The following DOK5 variants were observed in gnomAD, a reference collection of about 807,000 sequenced individuals.
DOK5 encodes the protein docking protein 5.
Under a neutral mutation model 43.3 loss-of-function variants are expected in DOK5, and 27 were observed. The observed-to-expected ratio is 0.62, with a 90% CI of 0.46 to 0.86. The LOEUF (loss-of-function observed/expected upper bound fraction) is 0.86, where lower values mean the gene tolerates loss of function less well. DOK5 is among the 40% of genes least tolerant of loss of function. DOK5 has a pLI of 0.00. For synonymous variants in DOK5, 146 were observed against 140.1 expected, an observed-to-expected ratio of 1.04 and a Z score of -0.30; for missense variants, 373 against 392.9, an observed-to-expected ratio of 0.95 and a Z score of 0.43.
intron 7 of DOK5, among the ~76,000 whole-genome samples, chr20:54,650,152 TGGGGATTGATGC>T (rs1773015249): frequency 6.6e-6 from 1 of 152,196 alleles, no homozygotes; most frequent in Admixed American, 6.5e-5. Flanking sequence ...ACCCTGGATA[TGGGGATTGATGC>T]AGATGAAAAA....
chr20:54,578,368 A>G (rs994214927), intron 2 of DOK5, among the ~76,000 whole-genome samples: 1 of 152,110 alleles, frequency 6.6e-6, no homozygotes, highest in African/African-American at 2.4e-5. Context: ...GATAGCTACA[A>G]ATTTTAGCTC....
chr20:54,617,015 C>T lies in DOK5; in HGVS notation c.735+6492C>T, dbSNP rs529244975. ...CCTTGTTAGCCAGGATGGTCTCGAT[C>T]TCCTGACCTCATGATCCACCCGCCT... On this transcript the variant is annotated intron_variant, in intron 6 of 7. Coordinates refer to ENST00000262593, the MANE Select transcript of DOK5 (RefSeq NM_018431.5). Among the ~76,000 whole-genome samples, 74 of 152,232 alleles carry T rather than the reference C, an allele frequency of 4.9e-4. 1 individual carries two copies. The highest frequency in any genetic ancestry group is 1.6e-3 in the African/African-American group (68 of 41,558).
intron 1 of DOK5, among the ~76,000 whole-genome samples, chr20:54,526,445 G>T (rs994403254): frequency 6.6e-6 from 1 of 152,184 alleles, no homozygotes; most frequent in Non-Finnish European, 1.5e-5. Flanking sequence ...TGGCTGGCAA[G>T]TGAAAGGAAA....
chr20:54,634,164 G>A (rs1227981650), intron 6 of DOK5, among the ~76,000 whole-genome samples: 3 of 152,182 alleles, frequency 2.0e-5, no homozygotes, highest in Admixed American at 2.0e-4. Context: ...CAGTGGTCCG[G>A]TCATTAGAAT....
chr20:54,574,623 C>T (rs1402169838), intron 2 of DOK5, among the ~76,000 whole-genome samples: 1 of 152,116 alleles, frequency 6.6e-6, no homozygotes, highest in Non-Finnish European at 1.5e-5. Context: ...AATAGTGACT[C>T]TAGTAATAAT....
intron 7 of DOK5, among the ~76,000 whole-genome samples, chr20:54,645,972 T>G (rs1347768811): frequency 7.2e-6 from 1 of 138,546 alleles, no homozygotes; most frequent in Non-Finnish European, 1.5e-5. Context: ...TGAGTGCCTC[T>G]GTGAGCAGCT....
chr20:54,642,549 CAAAAA>C (rs66463305), intron 6 of DOK5, among the ~76,000 whole-genome samples: 1 of 96,374 alleles, frequency 1.0e-5, no homozygotes, highest in African/African-American at 4.3e-5. Flanking sequence ...ACTAAAAATA[CAAAAA>C]AAAAAAAAAA....
intron 2 of DOK5, among the ~76,000 whole-genome samples, chr20:54,568,668 C>T (rs1054663926): frequency 6.6e-6 from 1 of 152,056 alleles, no homozygotes; most frequent in Non-Finnish European, 1.5e-5. Flanking sequence ...CAGTGGCTCA[C>T]GCCTGTAATC....
intron 1 of DOK5, among the ~76,000 whole-genome samples, chr20:54,488,545 T>C (rs1408263891): frequency 6.6e-6 from 1 of 152,210 alleles, no homozygotes; most frequent in Non-Finnish European, 1.5e-5. Flanking sequence ...ATATACATTT[T>C]TTTCTTGTTT....
At chr20:54,547,741 A>G (rs1984396328) in intron 1 of DOK5, among the ~76,000 whole-genome samples, 1 of 152,222 alleles carries the variant, frequency 6.6e-6, no homozygotes. Flanking sequence ...GTACATGCTG[A>G]ATGAGATTTT....
chr20:54,500,412 A>C (rs6098026), intron 1 of DOK5, among the ~76,000 whole-genome samples: 2,904 of 152,150 alleles, frequency 0.019, 88 homozygotes, highest in African/African-American at 0.066. Context: ...ATTTTATAAT[A>C]TTTTCCTTTT....
At chr20:54,603,443 A>G (rs886271165) in intron 5 of DOK5, among the ~76,000 whole-genome samples, 1 of 152,242 alleles carries the variant, frequency 6.6e-6, no homozygotes, top group Non-Finnish European at 1.5e-5. Flanking sequence ...TTGTCATCCC[A>G]GTCTGTACTG....
chr20:54,490,020 T>C (rs1352961361), intron 1 of DOK5, among the ~76,000 whole-genome samples: 1 of 152,210 alleles, frequency 6.6e-6, no homozygotes, highest in Non-Finnish European at 1.5e-5. Context: ...AATGGACTCA[T>C]TTGTGTATAG....
chr20:54,477,971 G>T (rs1469063691), intron 1 of DOK5, among the ~76,000 whole-genome samples: 1 of 152,182 alleles, frequency 6.6e-6, no homozygotes, highest in Non-Finnish European at 1.5e-5. Context: ...AGAAGGAACA[G>T]AAATATTTAG....
intron 1 of DOK5, among the ~76,000 whole-genome samples, chr20:54,493,871 G>T (rs978551762): frequency 1.1e-4 from 16 of 152,088 alleles, no homozygotes. Context: ...CCCAGGAGTT[G>T]GAGGCTGCAG....
intron 1 of DOK5, among the ~76,000 whole-genome samples, chr20:54,543,775 A>G (rs1984249099): frequency 6.6e-6 from 1 of 152,208 alleles, no homozygotes; most frequent in Non-Finnish European, 1.5e-5. Flanking sequence ...ACTGACAAAT[A>G]GCATTTTCTA....
chr20:54,610,100 T>C (rs1986595407), intron 5 of DOK5, among the ~76,000 whole-genome samples: 1 of 152,236 alleles, frequency 6.6e-6, no homozygotes, highest in South Asian at 2.1e-4. Flanking sequence ...GAAGTATTTA[T>C]TATACTGCAA....
At chr20:54,649,037 C>A (rs1979576975) in intron 7 of DOK5, among the ~76,000 whole-genome samples, 1 of 152,138 alleles carries the variant, frequency 6.6e-6, no homozygotes, top group African/African-American at 2.4e-5. Flanking sequence ...ATAGATCGGA[C>A]CTAAGATAAT....
intron 5 of DOK5, 38 bp downstream of exon 5, chr20:54,591,843 G>A (rs1484758694): frequency 1.1e-5 from 15 of 1,383,110 alleles, no homozygotes; most frequent in Non-Finnish European, 1.5e-5. Flanking sequence ...TTTTCTGTTT[G>A]TGTGTGTGTG....
Sources: allele counts gnomAD v4.1 joint callset (sites outside exome capture counted in the v4.1 genomes callset), GRCh38; gene constraint gnomAD v4.1.1; transcripts MANE v1.5; gene names NCBI Gene and HGNC (gene_info 2026-07-23, HGNC 2026-07-21).